Variants in TBX2 observed in about 807,000 individuals in gnomAD.
TBX2 encodes the protein T-box transcription factor TBX2.
TBX2 carries 19 observed loss-of-function variants against 48.4 expected under a neutral mutation model. The observed-to-expected ratio is 0.39, with a 90% CI of 0.27 to 0.58. The LOEUF (loss-of-function observed/expected upper bound fraction) is 0.58, where lower values mean the gene tolerates loss of function less well. Ranked by LOEUF, TBX2 falls within the 20% of genes least tolerant of loss-of-function variation. The pLI is 0.54. For synonymous variants in TBX2, 522 were observed against 459.7 expected (o/e 1.14, Z -1.73); for missense variants, 994 against 1,006.5 (o/e 0.99, Z 0.17).
In TBX2 at chr17:61,408,805, T is replaced by A; in HGVS notation, c.*299T>A. 3.0e-6 allele frequency: 1 copy of A among 329,276 alleles called. No homozygotes were observed. The highest frequency in any genetic ancestry group is 5.5e-6 in the Non-Finnish European group (1 of 183,458). 20.4% of individuals were successfully genotyped at this position (329,276 alleles called of 1,614,324 possible). On this transcript the variant is annotated 3_prime_UTR_variant, in exon 7 of 7. Coordinates refer to ENST00000240328, the MANE Select transcript of TBX2 (RefSeq NM_005994.4). ...GTCTTCCAGCGAGGTGGGAGAGGCCTCATCCAGGGCCCAGCGGTCCCTGCA... is the reference window on the plus strand; with the variant it reads ...GTCTTCCAGCGAGGTGGGAGAGGCCACATCCAGGGCCCAGCGGTCCCTGCA...
At position 61,400,618 on chromosome 17, in the gene TBX2, T is replaced by G; in HGVS notation, c.395+47T>G. On this transcript the variant is annotated intron_variant, in intron 1 of 6. Coordinates refer to ENST00000240328, the MANE Select transcript of TBX2 (RefSeq NM_005994.4). This position sits in a 1 kb window ranked among gnomAD's most constrained non-coding sequence, Gnocchi z 9.2. ...AAGGCGCGCGGGCGGGCGGGCGGGC[T>G]GGGGCACGGGACTGCACGGATCAGA... 9.7e-6 allele frequency: 11 copies of G among 1,132,464 alleles called. No individual in the cohort carries two copies. Among genetic ancestry groups the G allele is most frequent in the South Asian group, 1.3e-5 (1 of 75,588 alleles). The allele number at this position is 1,132,464 out of a possible 1,614,324, so 70.2% of individuals were successfully genotyped here. A position where few individuals can be genotyped will look rare whatever the true frequency, so the allele number is the denominator to read the frequency against.
chr17:61,400,651 T>G lies in TBX2; in HGVS notation c.395+80T>G. On this transcript the variant is annotated intron_variant, in intron 1 of 6. Transcript: ENST00000240328. The surrounding 1 kb of genome is among the most constrained non-coding windows in gnomAD (Gnocchi z 9.2). ...GGGACTGCACGGATCAGAGCAGAGCTGGGGACTCCCGGCTCCCGGCTCCCG... is the reference window on the plus strand; with the variant it reads ...GGGACTGCACGGATCAGAGCAGAGCGGGGGACTCCCGGCTCCCGGCTCCCG... 7.3e-7 allele frequency: 1 copy of G among 1,372,258 alleles called. No individual in the cohort carries two copies. The highest frequency in any genetic ancestry group is 1.4e-5 in the South Asian group (1 of 73,696). 85.0% of individuals were successfully genotyped at this position (1,372,258 alleles called of 1,614,324 possible).
At position 61,403,346 on chromosome 17, in the gene TBX2, C is replaced by T; in HGVS notation, c.810+139C>T. The T allele has an allele frequency of 1.5e-6, 2 of 1,340,244 alleles. No individual in the cohort carries two copies. The highest frequency in any genetic ancestry group is 2.6e-5 in the East Asian group (1 of 38,194). The allele number at this position is 1,340,244 out of a possible 1,614,324, so 83.0% of individuals were successfully genotyped here. On this transcript the variant is annotated intron_variant, in intron 3 of 6. Transcript: ENST00000240328. This position sits in a 1 kb window ranked among gnomAD's most constrained non-coding sequence, Gnocchi z 5.8. ...CGGCCCGCCCCCGAGCACCGAGCCT[C>T]GCATCCATACGCGCAGCACTCACGG...
chr17:61,402,961 A>AG, intron 2 of TBX2, 100 bp from the exon 3 acceptor site: 1 of 138,914 alleles, frequency 7.2e-6, no homozygotes, highest in South Asian at 7.8e-5. Flanking sequence ...AGAGAGAGAG[A>AG]GAGAGAGAGA....
rs1603242077 is a variant in TBX2 at position 61,408,259 on chromosome 17, CGCCTAGCACTA to C, written c.1897_1907del (p.Ser633ProfsTer8). ...CCCTATCAGATCCCGGTCACCATCC[CGCCTAGCACTA>C]GCCTCCTCACCACCGGGCTGGCCTC... On this transcript the variant is annotated frameshift_variant, in exon 7 of 7. Transcript: ENST00000240328. LOFTEE classifies it high-confidence loss of function. 5 of 1,612,850 alleles carry C rather than the reference CGCCTAGCACTA, an allele frequency of 3.1e-6. No homozygotes were observed. The East Asian group carries it at 1.1e-4, about 36-fold the overall frequency.
Position 61,403,854 on chromosome 17 carries a change from T to C in TBX2, c.811-567T>C, listed in dbSNP as rs1049287870. Among the ~76,000 whole-genome samples, 2 of 152,114 alleles carry C rather than the reference T, an allele frequency of 1.3e-5. No homozygotes were observed. The highest frequency in any genetic ancestry group is 4.8e-5 in the African/African-American group (2 of 41,424). ...CGCCACTGTCGAGTGAAAGAGAGGGTACGAGTGTCCGTGCCGGTCGTTGTG... is the reference window on the plus strand; with the variant it reads ...CGCCACTGTCGAGTGAAAGAGAGGGCACGAGTGTCCGTGCCGGTCGTTGTG... On this transcript the variant is annotated intron_variant, in intron 3 of 6. Transcript: ENST00000240328. This position sits in a 1 kb window ranked among gnomAD's most constrained non-coding sequence, Gnocchi z 5.8.
At position 61,405,679 on chromosome 17, in the gene TBX2, A is replaced by T; in HGVS notation, c.1529A>T (p.His510Leu). ...PGAFSAMGMG[H>L]LLASVAGGGN... ...GCCTTCTCCGCCATGGGCATGGGTC[A>T]CCTACTGGCCTCGGTGGCAGGCGGC... Residue 510 changes from histidine to leucine, a missense_variant, in exon 6 of 7, where the codon CAC (histidine) becomes CTC (leucine). This residue lies in a region of TBX2 where 639 missense variants were observed against 613.2 expected (regional missense o/e 1.04). Transcript: ENST00000240328. The T allele has an allele frequency of 7.0e-7, 1 of 1,420,606 alleles. No homozygotes were observed. Among genetic ancestry groups the T allele is most frequent in the African/African-American group, 1.5e-5 (1 of 67,312 alleles). The allele number at this position is 1,420,606 out of a possible 1,614,324, so 88.0% of individuals were successfully genotyped here. A position where few individuals can be genotyped will look rare whatever the true frequency, so the allele number is the denominator to read the frequency against.
intron 3 of TBX2, 91 bp from the exon 4 acceptor site, chr17:61,404,330 T>C (rs770968052): frequency 1.4e-6 from 2 of 1,454,970 alleles, no homozygotes. Flanking sequence ...GGGTCTTCCC[T>C]CTGCGGCCAG....
Position 61,408,174 on chromosome 17 carries a change from G to A in TBX2, c.1807G>A (p.Ala603Thr), listed in dbSNP as rs764036287. The A allele has an allele frequency of 3.8e-5, 62 of 1,612,490 alleles. No homozygotes were observed. In the East Asian group the frequency reaches 4.5e-4, roughly 12 times the overall value. The change falls in exon 7 of 7, where the codon GCC (alanine) becomes ACC (threonine). Residue 603 changes from alanine (A) to threonine (T), a missense_variant. Around this residue, in one of 5 missense-constraint regions of TBX2, gnomAD observed 639 missense variants for 613.2 expected, o/e 1.04. Coordinates refer to ENST00000240328, the MANE Select transcript of TBX2 (RefSeq NM_005994.4). ...TGCTGCAGCTGCCGCCGCCGCAGCC[G>A]CCGGCTCCCTCTCCCGGAGCCCCTT... ...TSAAAAAAAAAGSLSRSPFLG... is the reference protein window; with the variant it reads ...TSAAAAAAAATGSLSRSPFLG...
chr17:61,401,184 C>G (rs886271982), intron 1 of TBX2, among the ~76,000 whole-genome samples: 4 of 152,174 alleles, frequency 2.6e-5, no homozygotes, highest in African/African-American at 9.7e-5. Flanking sequence ...ACTCAGCCAC[C>G]GAGAATCCAG....
rs1189117097 is a variant in TBX2 at position 61,403,257 on chromosome 17, A to G, written c.810+50A>G. On this transcript the variant is annotated intron_variant, in intron 3 of 6. Coordinates refer to ENST00000240328, the MANE Select transcript of TBX2 (RefSeq NM_005994.4). The surrounding 1 kb of genome is among the most constrained non-coding windows in gnomAD (Gnocchi z 5.8). ...AGCCCCTGCACTGACGCCCCTCAAC[A>G]CGTGCAGGCCCAACCGTCCGTTCAT... The G allele has an allele frequency of 6.3e-7, 1 of 1,599,056 alleles. No individual in the cohort carries two copies. Among genetic ancestry groups the G allele is most frequent in the East Asian group, 2.3e-5 (1 of 44,198 alleles).
At position 61,403,786 on chromosome 17, in the gene TBX2, C is replaced by CT. The variant is rs1045976143; in HGVS notation, c.810+580dup. Among the ~76,000 whole-genome samples the CT allele has an allele frequency of 5.3e-5, 8 of 152,090 alleles. No homozygotes were observed. Among genetic ancestry groups the CT allele is most frequent in the African/African-American group, 1.9e-4 (8 of 41,428 alleles). ...TGCTTGCGGCTTCTCCACCCTTGTT[C>CT]TAGTGGGGCAGAGCATCACCCCTCT... On this transcript the variant is annotated intron_variant, in intron 3 of 6. Transcript: ENST00000240328. This position sits in a 1 kb window ranked among gnomAD's most constrained non-coding sequence, Gnocchi z 5.8.
Position 61,404,634 on chromosome 17 carries a change from T to C in TBX2, c.916T>C (p.Leu306=), listed in dbSNP as rs1177710287. The change falls in exon 5 of 7, where the codon TTG becomes CTG. Residue 306 remains leucine (L), a synonymous_variant. Transcript: ENST00000240328. ...RKQLTLPSLR[L]YEEHCKPERD... is the part of the protein sequence containing the mutation. The stretch of plus-strand genomic sequence containing the variant: ...GCAGCTGACGCTGCCGTCTCTACGC[T>C]TGTACGAGGAGCACTGCAAACCCGA... 10 of 1,582,342 alleles carry C rather than the reference T, an allele frequency of 6.3e-6. No homozygotes were observed. Among genetic ancestry groups the C allele is most frequent in the Non-Finnish European group, 7.7e-6 (9 of 1,163,246 alleles).
chr17:61,402,101 C>T, intron 2 of TBX2, 150 bp downstream of exon 2: 2 of 1,252,790 alleles, frequency 1.6e-6, no homozygotes, highest in South Asian at 3.2e-5. Context: ...CTGTGGTCTA[C>T]GTGGGCTGGG....
chr17:61,403,157 G>A lies in TBX2; in HGVS notation c.760G>A (p.Val254Met), dbSNP rs201360135. ...GCCTTACAGCACCTTCCGCACCTAC[G>A]TGTTCCCGGAGACCGACTTCATCGC... ...KLPYSTFRTYVFPETDFIAVT... is the reference protein window; with the variant it reads ...KLPYSTFRTYMFPETDFIAVT... The change falls in exon 3 of 7, where the codon GTG (valine) becomes ATG (methionine). Residue 254 changes from valine to methionine, a missense_variant. Around this residue, in one of 5 missense-constraint regions of TBX2, gnomAD observed 153 missense variants for 166.2 expected, o/e 0.92. Coordinates refer to ENST00000240328, the MANE Select transcript of TBX2 (RefSeq NM_005994.4). The surrounding 1 kb of genome is among the most constrained non-coding windows in gnomAD (Gnocchi z 5.8). The A allele has an allele frequency of 5.0e-6, 8 of 1,613,618 alleles. No homozygotes were observed. The highest frequency in any genetic ancestry group is 6.8e-6 in the Non-Finnish European group (8 of 1,179,988).
At chr17:61,402,044 G>T (rs1222851157) in intron 2 of TBX2, 93 bp downstream of exon 2, 2 of 1,490,148 alleles carry the variant, frequency 1.3e-6, no homozygotes, top group Non-Finnish European at 1.8e-6. Flanking sequence ...TCTCCCAGGG[G>T]GAAGCGCTGG....
chr17:61,407,961 GAA>G (rs1469084200), intron 6 of TBX2, 91 bp from the exon 7 acceptor site: 14 of 1,444,912 alleles, frequency 9.7e-6, no homozygotes, highest in African/African-American at 2.9e-5. Flanking sequence ...CCCTAAAACA[GAA>G]GGGCACGGTG....
rs73991914 is a variant in TBX2 at position 61,404,563 on chromosome 17, G to T, written c.888-43G>T. On this transcript the variant is annotated intron_variant, in intron 4 of 6. Transcript: ENST00000240328. ...GGGAGCAGCGAGCAGGAGGGATGGA[G>T]GGATGGGCTCCCCGCTGACCTGGTT... The T allele has an allele frequency of 1.7e-3, 2,650 of 1,593,666 alleles. 39 individuals are homozygous for T. In the African/African-American group the frequency reaches 0.03, roughly 18 times the overall value.
In TBX2 at chr17:61,404,828, G is replaced by A. The variant is rs892071251; in HGVS notation, c.1051+59G>A. The A allele has an allele frequency of 3.9e-6, 6 of 1,532,366 alleles. No individual in the cohort carries two copies. In the South Asian group the frequency reaches 6.0e-5, roughly 15 times the overall value. The allele number at this position is 1,532,366 out of a possible 1,614,324, so 94.9% of individuals were successfully genotyped here. A position where few individuals can be genotyped will look rare whatever the true frequency, so the allele number is the denominator to read the frequency against. On this transcript the variant is annotated intron_variant, in intron 5 of 6. Coordinates refer to ENST00000240328, the MANE Select transcript of TBX2 (RefSeq NM_005994.4). ...GGCGGCGGGGGGTCCTCAGGTCGCT[G>A]GGCTGGTCTTTTGCTGAGCCACCCG...
Sources: gnomAD v4.1 joint callset for allele counts (sites outside exome capture counted in the v4.1 genomes callset) on GRCh38, gnomAD v4.1.1 for gene constraint, gnomAD v4.1.1 regional missense constraint, Gnocchi (gnomAD v3.1) non-coding constraint, MANE v1.5 for transcripts, NCBI Gene and HGNC (gene_info 2026-07-23, HGNC 2026-07-21) for gene names.